SMYD1: variants seen among roughly 807,000 people sequenced by gnomAD.
The protein encoded by SMYD1 is SET and MYND domain containing 1.
SMYD1 carries 49 observed loss-of-function variants against 54.0 expected under a neutral mutation model. The observed-to-expected ratio is 0.91, with a 90% CI of 0.72 to 1.15. The LOEUF is 1.15. Among genes scored for constraint, SMYD1 ranks in the 50% most tolerant of loss-of-function variants. The pLI is 0.00. For missense variants in SMYD1, 653 were observed against 639.6 expected, an observed-to-expected ratio of 1.02 and a Z score of -0.23; for synonymous variants, 269 against 234.2, an observed-to-expected ratio of 1.15 and a Z score of -1.36.
intron 6 of SMYD1, 119 bp downstream of exon 6, chr2:88,096,903 C>A: frequency 9.8e-7 from 1 of 1,016,582 alleles, no homozygotes; most frequent in Non-Finnish European, 1.4e-6. Flanking sequence ...CAACTGTCAC[C>A]CTGGGGAGGA....
intron 5 of SMYD1, 32 bp downstream of exon 5, chr2:88,093,587 T>A: frequency 1.2e-6 from 2 of 1,613,764 alleles, no homozygotes; most frequent in Non-Finnish European, 1.7e-6. Context: ...TCCCTGCTCC[T>A]CTGACCCATC....
intron 3 of SMYD1, 116 bp from the exon 4 acceptor site, chr2:88,090,896 C>T (rs1265327965): frequency 8.4e-7 from 1 of 1,192,500 alleles, no homozygotes; most frequent in East Asian, 2.4e-5. Flanking sequence ...GTCCAGACTC[C>T]CTAAGCATCT....
At chr2:88,105,168 C>G (rs1674831879) in intron 7 of SMYD1, among the ~76,000 whole-genome samples, 1 of 152,170 alleles carries the variant, frequency 6.6e-6, no homozygotes. Context: ...AGTGGAGAAT[C>G]ACAGGAATGG....
chr2:88,095,757 G>A (rs1218926999), intron 5 of SMYD1, among the ~76,000 whole-genome samples: 1 of 152,190 alleles, frequency 6.6e-6, no homozygotes, highest in African/African-American at 2.4e-5. Context: ...GCCTTGTGGT[G>A]GAGGATGCAT....
chr2:88,088,166 T>G, intron 3 of SMYD1, 91 bp downstream of exon 3: 1 of 1,366,754 alleles, frequency 7.3e-7, no homozygotes, highest in Non-Finnish European at 9.9e-7. Flanking sequence ...TTCTCAGAAG[T>G]GAACTAAGAG....
rs2103993345 is a variant in SMYD1 at position 88,088,025 on chromosome 2, C to T, written c.478C>T (p.Pro160Ser). The T allele has an allele frequency of 6.2e-7, 1 of 1,614,166 alleles. No individual in the cohort carries two copies. The highest frequency in any genetic ancestry group is 2.2e-5 in the East Asian group (1 of 44,860). The change falls in exon 3 of 10, where the codon CCG becomes TCG. Residue 160 changes from proline (P) to serine (S), a missense_variant. By Grantham distance (74) the Pro-to-Ser change is moderately conservative. Transcript: ENST00000419482. Reference sequence around the variant, plus strand: ...GGACACATTCTTGCAGTACTGGCCGCCGCAGAGCCAGCAGTTCAGCATGCA... The same window carrying T: ...GGACACATTCTTGCAGTACTGGCCGTCGCAGAGCCAGCAGTTCAGCATGCA... ...DVDTFLQYWPPQSQQFSMQYI... is the reference protein window; with the variant it reads ...DVDTFLQYWPSQSQQFSMQYI...
intron 4 of SMYD1, among the ~76,000 whole-genome samples, chr2:88,091,725 A>G (rs896086286): frequency 6.6e-6 from 1 of 152,124 alleles, no homozygotes; most frequent in Non-Finnish European, 1.5e-5. Flanking sequence ...TTAGCCGGGC[A>G]TGGTGGTGTG....
In SMYD1 at chr2:88,110,783, C is replaced by T. The variant is rs772174026; in HGVS notation, c.*271C>T. 347 of 364,418 alleles carry T rather than the reference C, an allele frequency of 9.5e-4. 1 individual carries two copies. Among genetic ancestry groups the T allele is most frequent in the African/African-American group, 1.4e-3 (69 of 47,970 alleles). 22.6% of individuals were successfully genotyped at this position (364,418 alleles called of 1,614,324 possible). A position where few individuals can be genotyped will look rare whatever the true frequency, so the allele number is the denominator to read the frequency against. On this transcript the variant is annotated 3_prime_UTR_variant, in exon 10 of 10. Coordinates refer to ENST00000419482, the MANE Select transcript of SMYD1 (RefSeq NM_198274.4). Reference sequence around the variant, plus strand: ...AACCCAATAAAGGAGCTCCAAATGTCGTTGGGTGGGGAAGCAAAATGTAGA... The same window carrying T: ...AACCCAATAAAGGAGCTCCAAATGTTGTTGGGTGGGGAAGCAAAATGTAGA...
rs1675031816 is a variant in SMYD1 at position 88,111,871 on chromosome 2, C to T, written c.*1359C>T. Reference sequence around the variant, plus strand: ...ACCAAGACTTCTACACAACCCAGGACTACCATTGACCTCAGAGCTGTACCC... The same window carrying T: ...ACCAAGACTTCTACACAACCCAGGATTACCATTGACCTCAGAGCTGTACCC... On this transcript the variant is annotated 3_prime_UTR_variant, in exon 10 of 10. Transcript: ENST00000419482. 5.9e-5 allele frequency: 33 copies of T among 561,748 alleles called. No individual in the cohort carries two copies. In the South Asian group the frequency reaches 7.2e-4, roughly 12 times the overall value. 34.8% of individuals were successfully genotyped at this position (561,748 alleles called of 1,614,324 possible).
At chr2:88,073,076 T>G (rs1673984106) in intron 1 of SMYD1, among the ~76,000 whole-genome samples, 1 of 152,288 alleles carries the variant, frequency 6.6e-6, no homozygotes, top group East Asian at 1.9e-4. Flanking sequence ...TCTCCCCTTT[T>G]GGAATCTCCA....
chr2:88,074,395 C>T (rs1674014291), intron 1 of SMYD1, among the ~76,000 whole-genome samples: 2 of 152,200 alleles, frequency 1.3e-5, no homozygotes, highest in Non-Finnish European at 2.9e-5. Flanking sequence ...GACCTCCTGC[C>T]TCCTCTTATA....
In SMYD1 at chr2:88,103,112, A is replaced by G; in HGVS notation, c.943A>G (p.Lys315Glu). Reference sequence around the variant, plus strand: ...ACAATTCTCCAAGGATACATTGGAAAAGATAGACAAGGCTCGTTCCGAGGG... The same window carrying G: ...ACAATTCTCCAAGGATACATTGGAAGAGATAGACAAGGCTCGTTCCGAGGG... The part of the protein sequence containing the change: ...MIQFSKDTLE[K>E]IDKARSEGLY... Residue 315 changes from lysine to glutamate, a missense_variant, in exon 7 of 10, where the codon AAG (lysine) becomes GAG (glutamate). Coordinates refer to ENST00000419482, the MANE Select transcript of SMYD1 (RefSeq NM_198274.4). 1.2e-6 allele frequency: 2 copies of G among 1,614,128 alleles called. No individual in the cohort carries two copies. The highest frequency in any genetic ancestry group is 1.7e-6 in the Non-Finnish European group (2 of 1,179,988).
At chr2:88,090,775 C>CA (rs1674443254) in intron 3 of SMYD1, among the ~76,000 whole-genome samples, 1 of 152,172 alleles carries the variant, frequency 6.6e-6, no homozygotes. Flanking sequence ...AATAGAGCCA[C>CA]AAAAAACTTT....
rs146456865 is a variant in SMYD1, at chr2:88,108,418, G to A, written c.1193G>A (p.Arg398Gln). ...GCCCAACTGGGCATGGCCGTGATGC[G>A]GGCAGGGCTGACCAACTGGCATGCT... is the stretch of plus-strand genomic sequence containing the variant. Reference protein sequence around the residue: ...NNAQLGMAVMRAGLTNWHAGN... With the variant: ...NNAQLGMAVMQAGLTNWHAGN... Residue 398 changes from arginine (R) to glutamine (Q), a missense_variant, in exon 9 of 10, where the codon CGG (arginine) becomes CAG (glutamine). By Grantham distance (43) the Arg-to-Gln change is conservative (BLOSUM62 1). Transcript: ENST00000419482. 5.6e-4 allele frequency: 910 copies of A among 1,611,776 alleles called. No homozygotes were observed. The highest frequency in any genetic ancestry group is 7.1e-4 in the Non-Finnish European group (836 of 1,179,028).
intron 5 of SMYD1, 54 bp downstream of exon 5, chr2:88,093,609 C>T (rs1674511634): frequency 6.2e-7 from 1 of 1,609,258 alleles, no homozygotes; most frequent in Non-Finnish European, 8.5e-7. Context: ...CCCTCACTTA[C>T]CTGGTTTGCT....
intron 2 of SMYD1, 40 bp downstream of exon 2, chr2:88,084,532 A>G: frequency 1.3e-6 from 2 of 1,529,144 alleles, no homozygotes; most frequent in Non-Finnish European, 1.8e-6. Flanking sequence ...AGATTTCCAA[A>G]TGTCAGGCTG....
chr2:88,096,773 G>C lies in SMYD1; in HGVS notation c.877G>C (p.Asp293His), dbSNP rs143662137. The C allele has an allele frequency of 6.2e-6, 10 of 1,613,238 alleles. No individual in the cohort carries two copies. The highest frequency in any genetic ancestry group is 7.6e-6 in the Non-Finnish European group (9 of 1,179,672). Reference sequence around the variant, plus strand: ...GGATGACCTCTTCCTGGGGGTGAAAGACAACCCCAAGGTACACACAGCCCT... The same window carrying C: ...GGATGACCTCTTCCTGGGGGTGAAACACAACCCCAAGGTACACACAGCCCT... ...LKDDLFLGVK[D>H]NPKPSQEVVK... is the part of the protein sequence containing the mutation. The change falls in exon 6 of 10, where the codon GAC (aspartate) becomes CAC (histidine). Residue 293 changes from aspartate (D) to histidine (H), a missense_variant. Coordinates refer to ENST00000419482, the MANE Select transcript of SMYD1 (RefSeq NM_198274.4).
chr2:88,077,446 G>C (rs766430496), intron 1 of SMYD1, among the ~76,000 whole-genome samples: 3 of 152,226 alleles, frequency 2.0e-5, no homozygotes, highest in Non-Finnish European at 4.4e-5. Context: ...AATGATCTCG[G>C]CCAGTCTAAA....
At chr2:88,092,384 G>A (rs1412651384) in intron 4 of SMYD1, among the ~76,000 whole-genome samples, 1 of 152,178 alleles carries the variant, frequency 6.6e-6, no homozygotes, top group Non-Finnish European at 1.5e-5. Context: ...GTAGGGGAAT[G>A]AGGCCCGAGC....
Sources: allele counts gnomAD v4.1 joint callset (sites outside exome capture counted in the v4.1 genomes callset), GRCh38; gene constraint gnomAD v4.1.1; transcripts MANE v1.5; gene names NCBI Gene and HGNC (gene_info 2026-07-23, HGNC 2026-07-21).